The following CNTN3 variants were observed in gnomAD, a reference collection of about 807,000 sequenced individuals.
The protein encoded by CNTN3 is contactin-3.
Under a neutral mutation model 119.1 loss-of-function variants are expected in CNTN3, and 60 were observed. The observed-to-expected ratio is 0.50, with a 90% CI of 0.41 to 0.62. CNTN3 has a LOEUF of 0.62. CNTN3 is among the 20% of genes least tolerant of loss of function. The probability of loss-of-function intolerance (pLI) is 0.00; values close to 1 mark genes in which losing one functional copy is unlikely to be tolerated. For missense variants in CNTN3, 1,101 were observed against 1,242.4 expected (o/e 0.89, Z 1.71); for synonymous variants, 450 against 438.7 (o/e 1.03, Z -0.32).
At chr3:74,280,171 TA>T (rs775433240) in intron 20 of CNTN3, among the ~76,000 whole-genome samples, 1 of 151,744 alleles carries the variant, frequency 6.6e-6, no homozygotes, top group African/African-American at 2.4e-5. Flanking sequence ...AAAAAACAAA[TA>T]AAAAAAGTTG....
chr3:74,575,004 G>A (rs962759688), intron 1 of CNTN3, among the ~76,000 whole-genome samples: 1 of 151,198 alleles, frequency 6.6e-6, no homozygotes, highest in Non-Finnish European at 1.5e-5. Context: ...GCTCACTGTA[G>A]CCTGGACCTC....
At chr3:74,550,522 CTGT>C (rs1421906889) in intron 1 of CNTN3, among the ~76,000 whole-genome samples, 1 of 152,080 alleles carries the variant, frequency 6.6e-6, no homozygotes, top group African/African-American at 2.4e-5. Flanking sequence ...CTTTTTGCTC[CTGT>C]TGTTGTTGTT....
At chr3:74,414,547 T>C (rs1199896129) in intron 5 of CNTN3, among the ~76,000 whole-genome samples, 1 of 152,164 alleles carries the variant, frequency 6.6e-6, no homozygotes, top group Non-Finnish European at 1.5e-5. Context: ...AATGCAGGTC[T>C]CCAGGAAAGA....
At chr3:74,538,082 G>A (rs1008837226) in intron 1 of CNTN3, among the ~76,000 whole-genome samples, 6 of 152,048 alleles carry the variant, frequency 3.9e-5, no homozygotes, top group Admixed American at 3.9e-4. Flanking sequence ...TGGGGAAGCA[G>A]GATGAGAGTT....
intron 13 of CNTN3, among the ~76,000 whole-genome samples, chr3:74,316,704 T>C (rs140765456): frequency 0.012 from 1,864 of 152,050 alleles, 45 homozygotes; most frequent in African/African-American, 0.042. Context: ...GGTGGGCAGA[T>C]CACGAGGTCA....
intron 5 of CNTN3, among the ~76,000 whole-genome samples, chr3:74,401,002 A>G (rs1014621346): frequency 2.1e-4 from 32 of 152,330 alleles, no homozygotes; most frequent in African/African-American, 7.5e-4. Context: ...GAAAAGATTC[A>G]TAATTTTTAC....
At chr3:74,598,999 G>C (rs1445273099) in intron 1 of CNTN3, among the ~76,000 whole-genome samples, 1 of 152,012 alleles carries the variant, frequency 6.6e-6, no homozygotes, top group Non-Finnish European at 1.5e-5. Flanking sequence ...AATATGAAAA[G>C]CATCATAAGA....
chr3:74,341,267 C>T (rs537247581), intron 11 of CNTN3, among the ~76,000 whole-genome samples: 112 of 152,180 alleles, frequency 7.4e-4, no homozygotes, highest in Middle Eastern at 3.4e-3. Flanking sequence ...AACAGAAAAC[C>T]TTCAATAACC....
intron 20 of CNTN3, among the ~76,000 whole-genome samples, chr3:74,277,792 A>T (rs1185309981): frequency 6.6e-6 from 1 of 152,094 alleles, no homozygotes; most frequent in Non-Finnish European, 1.5e-5. Flanking sequence ...AAAAGAAATA[A>T]AGGGCATCCA....
intron 1 of CNTN3, among the ~76,000 whole-genome samples, chr3:74,568,405 T>C (rs984802030): frequency 6.6e-6 from 1 of 152,170 alleles, no homozygotes; most frequent in African/African-American, 2.4e-5. Context: ...CCATAGGATA[T>C]GGGGAGACAT....
At chr3:74,474,480 G>T (rs1364080668) in intron 4 of CNTN3, among the ~76,000 whole-genome samples, 1 of 152,094 alleles carries the variant, frequency 6.6e-6, no homozygotes, top group Non-Finnish European at 1.5e-5. Flanking sequence ...ATGGGGAGCT[G>T]AGTAGTGATA....
chr3:74,574,733 G>A (rs559658344), intron 1 of CNTN3, among the ~76,000 whole-genome samples: 1 of 152,146 alleles, frequency 6.6e-6, no homozygotes, highest in Non-Finnish European at 1.5e-5. Context: ...TTGCATTTTG[G>A]AAAATTATTG....
At position 74,589,400 on chromosome 3, in the gene CNTN3, C is replaced by G. The variant is rs532956641; in HGVS notation, c.-81+24991G>C. ...ATCAGAGAAATGCAAATCAAAACCACAATGAGATACCATCTCACACCAGTT... is the reference window on the plus strand; with the variant it reads ...ATCAGAGAAATGCAAATCAAAACCAGAATGAGATACCATCTCACACCAGTT... On this transcript the variant is annotated intron_variant, in intron 1 of 22. Coordinates refer to ENST00000263665, the MANE Select transcript of CNTN3 (RefSeq NM_020872.3). 1.6e-4 allele frequency among the ~76,000 whole-genome samples: 24 copies of G among 147,418 alleles called. No homozygotes were observed. The East Asian group carries it at 4.8e-3, about 30-fold the overall frequency.
rs11928120 is a variant in CNTN3 at position 74,478,816 on chromosome 3, C to G, written c.358+7640G>C. ...CCAACACAAAACTAAAATGAAACAA[C>G]CTGGATAAAACAGTTCATATGAGGG... is the stretch of plus-strand genomic sequence containing the variant. On this transcript the variant is annotated intron_variant, in intron 4 of 22. Transcript: ENST00000263665. 2.8e-3 allele frequency among the ~76,000 whole-genome samples: 425 copies of G among 152,102 alleles called. 3 individuals carry two copies. The highest frequency in any genetic ancestry group is 9.8e-3 in the African/African-American group (407 of 41,492).
intron 13 of CNTN3, among the ~76,000 whole-genome samples, chr3:74,306,632 A>G (rs1169587352): frequency 6.6e-6 from 1 of 152,266 alleles, no homozygotes; most frequent in Non-Finnish European, 1.5e-5. Flanking sequence ...CAGAAAGCAC[A>G]TCTTTTTTTC....
chr3:74,434,165 G>T lies in CNTN3; in HGVS notation c.359-9225C>A, dbSNP rs529312850. ...ATTCTGACCATAATCCAGGCCTGCA[G>T]ATCTATAGGTGTGTCACTTGATTGC... On this transcript the variant is annotated intron_variant, in intron 4 of 22. Coordinates refer to ENST00000263665, the MANE Select transcript of CNTN3 (RefSeq NM_020872.3). 2.0e-3 allele frequency among the ~76,000 whole-genome samples: 302 copies of T among 152,306 alleles called. 2 individuals carry two copies. The Middle Eastern group carries it at 0.024, about 12-fold the overall frequency.
chr3:74,373,687 C>G (rs749490206), intron 5 of CNTN3, among the ~76,000 whole-genome samples: 10 of 152,054 alleles, frequency 6.6e-5, no homozygotes, highest in Non-Finnish European at 1.5e-4. Context: ...ATGTTCAACT[C>G]AAAATGTTTG....
chr3:74,525,223 A>C (rs1703602451), intron 1 of CNTN3, among the ~76,000 whole-genome samples: 1 of 151,890 alleles, frequency 6.6e-6, no homozygotes, highest in African/African-American at 2.4e-5. Context: ...ACAATAGACA[A>C]AGAATTTGAT....
chr3:74,456,107 T>A (rs190482791), intron 4 of CNTN3, among the ~76,000 whole-genome samples: 45 of 152,194 alleles, frequency 3.0e-4, no homozygotes, highest in Non-Finnish European at 4.6e-4. Flanking sequence ...GTCCTATACT[T>A]ACATAGGCTT....
Sources: gnomAD v4.1 joint callset for allele counts (sites outside exome capture counted in the v4.1 genomes callset) on GRCh38, gnomAD v4.1.1 for gene constraint, MANE v1.5 for transcripts, NCBI Gene and HGNC (gene_info 2026-07-23, HGNC 2026-07-21) for gene names.